The following RYR1 variants were observed in gnomAD, a reference collection of about 807,000 sequenced individuals.
The protein encoded by RYR1 is central core disease of muscle.
A neutral mutation model predicts 583.5 loss-of-function variants in RYR1; 342 were observed. The observed-to-expected ratio is 0.59, with a 90% CI of 0.54 to 0.64. The LOEUF is 0.64. Among genes scored for constraint, RYR1 ranks in the 30% least tolerant of loss-of-function variants. The pLI, the probability that RYR1 is intolerant of heterozygous loss-of-function variation, is 0.00. For missense variants in RYR1, 6,032 were observed against 6,917.2 expected, an observed-to-expected ratio of 0.87 and a Z score of 4.54; for synonymous variants, 2,791 against 2,822.5, an observed-to-expected ratio of 0.99 and a Z score of 0.35.
rs372178862 is a variant in RYR1 at position 38,473,685 on chromosome 19, G to A, written c.4074G>A (p.Gly1358=). 7.7e-5 allele frequency: 119 copies of A among 1,550,574 alleles called. 2 individuals are homozygous for A. The African/African-American group carries it at 1.4e-3, about 18-fold the overall frequency. ...GGACTGCGAAGGAGGGCGCCCCCGG[G>A]GGCACCCCGCAGGCGGGGGGAGAGG... ...KEGTAKEGAP[G]GTPQAGGEAQ... The change falls in exon 28 of 106, where the codon GGG becomes GGA. Residue 1358 remains glycine (G), a synonymous_variant. Transcript: ENST00000359596.
intron 9 of RYR1, among the ~76,000 whole-genome samples, chr19:38,447,171 G>A (rs1972984324): frequency 6.6e-6 from 1 of 152,212 alleles, no homozygotes; most frequent in African/African-American, 2.4e-5. Context: ...GCTGCAGTGA[G>A]CTGAGATCCT....
At position 38,460,541 on chromosome 19, in the gene RYR1, C is replaced by G. The variant is rs750233243; in HGVS notation, c.2527C>G (p.Arg843Gly). 6.2e-7 allele frequency: 1 copy of G among 1,613,960 alleles called. No homozygotes were observed. The highest frequency in any genetic ancestry group is 1.1e-5 in the South Asian group (1 of 91,084). Residue 843 changes from arginine to glycine, a missense_variant, in exon 20 of 106, where the codon CGC becomes GGC. Arg to Gly is a moderately radical substitution (Grantham distance 125). Coordinates refer to ENST00000359596, the MANE Select transcript of RYR1 (RefSeq NM_000540.3). ...GGGGCCTCACCTGGTGGGCCCCAGTCGCTGCCTCTCACACACCGACTTCGT... is the reference window on the plus strand; with the variant it reads ...GGGGCCTCACCTGGTGGGCCCCAGTGGCTGCCTCTCACACACCGACTTCGT... ...PRGPHLVGPS[R>G]CLSHTDFVPC...
rs556659687 is a variant in RYR1, at chr19:38,443,670, G to T, written c.345+38G>T. ...TCGGTGGGCGTGGGCAGGGGCCAGG[G>T]CATGTGGGGCCTGCTAGAAGGAGGC... On this transcript the variant is annotated intron_variant, in intron 4 of 105. Transcript: ENST00000359596. 4 of 1,613,746 alleles carry T rather than the reference G, an allele frequency of 2.5e-6. No individual in the cohort carries two copies. The African/African-American group carries it at 4.0e-5, about 16-fold the overall frequency.
chr19:38,463,939 T>G, intron 22 of RYR1, 89 bp downstream of exon 22: 1 of 988,968 alleles, frequency 1.0e-6, no homozygotes, highest in East Asian at 2.4e-5. Flanking sequence ...AGGTAGAGAC[T>G]GAGAGAGAGA....
chr19:38,479,338 T>C (rs1366686368), intron 31 of RYR1, among the ~76,000 whole-genome samples: 1 of 152,262 alleles, frequency 6.6e-6, no homozygotes, highest in Non-Finnish European at 1.5e-5. Context: ...TGTCCATTAA[T>C]CTAAGGTGGG....
intron 76 of RYR1, 54 bp from the exon 77 acceptor site, chr19:38,532,436 A>G: frequency 1.3e-6 from 2 of 1,587,378 alleles, no homozygotes; most frequent in South Asian, 1.1e-5. Context: ...AAGCTCTTAT[A>G]AGATGGGGGT....
At chr19:38,447,081 G>A (rs532770684) in intron 9 of RYR1, among the ~76,000 whole-genome samples, 2 of 152,138 alleles carry the variant, frequency 1.3e-5, no homozygotes, top group African/African-American at 4.8e-5. Flanking sequence ...AGAATTAGCC[G>A]GGTGTGGTGG....
rs746641658 is a variant in RYR1, at chr19:38,443,660, A to G, written c.345+28A>G. On this transcript the variant is annotated intron_variant, in intron 4 of 105. Transcript: ENST00000359596. ...GAGTGCAACCTCGGTGGGCGTGGGC[A>G]GGGGCCAGGGCATGTGGGGCCTGCT... is the stretch of plus-strand genomic sequence containing the variant. The G allele has an allele frequency of 1.9e-6, 3 of 1,613,904 alleles. No individual in the cohort carries two copies. In the South Asian group the frequency reaches 3.3e-5, roughly 18 times the overall value.
Position 38,543,992 on chromosome 19 carries a change from T to G in RYR1, c.12012+117T>G. 1.9e-6 allele frequency: 2 copies of G among 1,040,532 alleles called. No homozygotes were observed. Among genetic ancestry groups the G allele is most frequent in the Non-Finnish European group, 2.9e-6 (2 of 694,014 alleles). The allele number at this position is 1,040,532 out of a possible 1,614,324, so 64.5% of individuals were successfully genotyped here. A position where few individuals can be genotyped will look rare whatever the true frequency, so the allele number is the denominator to read the frequency against. On this transcript the variant is annotated intron_variant, in intron 87 of 105. Transcript: ENST00000359596. The surrounding 1 kb of genome is among the most constrained non-coding windows in gnomAD (Gnocchi z 4.4). ...CGAGTGCTCCCGGCATGTTCCAGAC[T>G]GGTTCCCTCTCAGTGGCCAAATCCA...
chr19:38,480,522 CCT>C (rs1227533202), intron 31 of RYR1, among the ~76,000 whole-genome samples: 2 of 152,118 alleles, frequency 1.3e-5, no homozygotes, highest in Admixed American at 1.3e-4. Context: ...CAGATAGTTT[CCT>C]CTGTTTTCAG....
rs896627789 is a variant in RYR1 at position 38,565,878 on chromosome 19, G to C, written c.13437+107G>C. Reference sequence around the variant, plus strand: ...ACACAGAGGAGAGAACTGGCTAGGGGGATGGGCACACGCACCCACGGAGGA... The same window carrying C: ...ACACAGAGGAGAGAACTGGCTAGGGCGATGGGCACACGCACCCACGGAGGA... On this transcript the variant is annotated intron_variant, in intron 91 of 105. Coordinates refer to ENST00000359596, the MANE Select transcript of RYR1 (RefSeq NM_000540.3). The surrounding 1 kb of genome is among the most constrained non-coding windows in gnomAD (Gnocchi z 4.7). 1.6e-6 allele frequency: 2 copies of C among 1,246,900 alleles called. No homozygotes were observed. The highest frequency in any genetic ancestry group is 2.0e-6 in the Non-Finnish European group (2 of 977,300). 77.2% of individuals were successfully genotyped at this position (1,246,900 alleles called of 1,614,324 possible).
At chr19:38,581,142 A>T (rs1180159227) in intron 101 of RYR1, among the ~76,000 whole-genome samples, 1 of 151,504 alleles carries the variant, frequency 6.6e-6, no homozygotes, top group East Asian at 1.9e-4. Flanking sequence ...CAGTGGCGTG[A>T]TCTCAGCTCA....
rs556687902 is a variant in RYR1 at position 38,483,772 on chromosome 19, C to T, written c.4934+256C>T. Among the ~76,000 whole-genome samples the T allele has an allele frequency of 6.6e-6, 1 of 152,048 alleles. No individual in the cohort carries two copies. Among genetic ancestry groups the T allele is most frequent in the African/African-American group, 2.4e-5 (1 of 41,452 alleles). On this transcript the variant is annotated intron_variant, in intron 33 of 105. Coordinates refer to ENST00000359596, the MANE Select transcript of RYR1 (RefSeq NM_000540.3). The surrounding 1 kb of genome is among the most constrained non-coding windows in gnomAD (Gnocchi z 6.3). Reference sequence around the variant, plus strand: ...CCACCCTAAGGGAACCCAGACAATACCCCAAGGACCCAGACCCACTCCACA... The same window carrying T: ...CCACCCTAAGGGAACCCAGACAATATCCCAAGGACCCAGACCCACTCCACA...
chr19:38,571,070 G>A (rs1445006160), intron 94 of RYR1, among the ~76,000 whole-genome samples: 1 of 152,228 alleles, frequency 6.6e-6, no homozygotes, highest in South Asian at 2.1e-4. Context: ...AGTTTGCAGG[G>A]AGGAAGAAAT....
chr19:38,440,140 G>C lies in RYR1; in HGVS notation c.46-605G>C, dbSNP rs76846689. 5.2e-3 allele frequency among the ~76,000 whole-genome samples: 786 copies of C among 152,128 alleles called. 4 individuals are homozygous for C. The highest frequency in any genetic ancestry group is 0.018 in the African/African-American group (762 of 41,522). ...CTTCAGTTTCCCCATTTTAAAATGG[G>C]GATAAGCCAGGCACAACAGTTCATG... On this transcript the variant is annotated intron_variant, in intron 1 of 105. Transcript: ENST00000359596.
intron 102 of RYR1, 136 bp from the exon 103 acceptor site, chr19:38,585,802 C>T (rs1974458872): frequency 9.2e-7 from 1 of 1,091,166 alleles, no homozygotes; most frequent in Non-Finnish European, 1.4e-6. Context: ...CTAATACTAT[C>T]TTCTTAGGAA....
At chr19:38,475,961 C>T (rs1568472983) in intron 29 of RYR1, among the ~76,000 whole-genome samples, 1 of 152,064 alleles carries the variant, frequency 6.6e-6, no homozygotes, top group Non-Finnish European at 1.5e-5. Flanking sequence ...ACCACGGATG[C>T]GGGGAAGGAT....
intron 19 of RYR1, 130 bp downstream of exon 19, chr19:38,459,468 C>A: frequency 1.2e-6 from 1 of 854,204 alleles, no homozygotes; most frequent in Non-Finnish European, 1.9e-6. Flanking sequence ...GACTGGTGTC[C>A]AGAACCCTTA....
intron 89 of RYR1, among the ~76,000 whole-genome samples, chr19:38,560,163 G>C (rs1252284293): frequency 6.6e-6 from 1 of 151,424 alleles, no homozygotes; most frequent in African/African-American, 2.4e-5. Context: ...CAGGAGTTTG[G>C]GACAAGCCTG....
Sources: gnomAD v4.1 joint callset for allele counts (sites outside exome capture counted in the v4.1 genomes callset) on GRCh38, gnomAD v4.1.1 for gene constraint, Gnocchi (gnomAD v3.1) non-coding constraint, MANE v1.5 for transcripts, NCBI Gene and HGNC (gene_info 2026-07-23, HGNC 2026-07-21) for gene names.